ODAD2: variants seen among roughly 807,000 people sequenced by gnomAD.
ODAD2 encodes outer dynein arm-docking complex subunit 2.
Under a neutral mutation model 106.8 loss-of-function variants are expected in ODAD2, and 89 were observed. The observed-to-expected ratio is 0.83, with a 90% CI of 0.70 to 0.99. ODAD2 has a LOEUF of 0.99. ODAD2 is among the 50% of genes least tolerant of loss of function. The pLI is 0.00. For synonymous variants in ODAD2, 404 were observed against 436.2 expected (o/e 0.93, Z 0.92); for missense variants, 1,168 against 1,238.5 (o/e 0.94, Z 0.85).
intron 17 of ODAD2, among the ~76,000 whole-genome samples, chr10:27,891,139 G>C (rs1273324391): frequency 1.3e-5 from 2 of 152,034 alleles, no homozygotes; most frequent in African/African-American, 4.8e-5. Flanking sequence ...TTAAACAGAG[G>C]GTGATGTCAA....
At chr10:27,868,524 C>T (rs570937784) in intron 17 of ODAD2, among the ~76,000 whole-genome samples, 3 of 152,278 alleles carry the variant, frequency 2.0e-5, no homozygotes, top group Admixed American at 1.3e-4. Context: ...AGATCATGTT[C>T]TTTGCAGGGA....
intron 6 of ODAD2, chr10:27,981,849 ACT>A: frequency 4.3e-6 from 1 of 233,086 alleles, no homozygotes; most frequent in Non-Finnish European, 8.2e-6. Context: ...CATGTAAGGC[ACT>A]CTGCTGTTCA....
chr10:27,982,736 G>A (rs1292365005), intron 6 of ODAD2, among the ~76,000 whole-genome samples: 4 of 152,180 alleles, frequency 2.6e-5, no homozygotes, highest in Non-Finnish European at 4.4e-5. Context: ...CCTCCTTGTA[G>A]AATTTTGTTT....
chr10:27,974,406 A>G (rs939604935), intron 7 of ODAD2, among the ~76,000 whole-genome samples: 1 of 152,148 alleles, frequency 6.6e-6, no homozygotes, highest in Non-Finnish European at 1.5e-5. Flanking sequence ...ATTTTTGTAT[A>G]TGGTATAAGA....
At chr10:27,918,413 A>G (rs562626986) in intron 16 of ODAD2, among the ~76,000 whole-genome samples, 2 of 151,622 alleles carry the variant, frequency 1.3e-5, no homozygotes, top group African/African-American at 4.8e-5. Flanking sequence ...ACAAAAGAAA[A>G]ATCACCTTAT....
At chr10:27,856,957 A>G (rs1423996830) in intron 19 of ODAD2, among the ~76,000 whole-genome samples, 1 of 152,174 alleles carries the variant, frequency 6.6e-6, no homozygotes, top group African/African-American at 2.4e-5. Context: ...ACAAGACCGA[A>G]ACTCCGTCCC....
chr10:27,896,126 T>C lies in ODAD2; in HGVS notation c.2610+11537A>G, dbSNP rs776382210. Among the ~76,000 whole-genome samples, 5 of 152,328 alleles carry C rather than the reference T, an allele frequency of 3.3e-5. No homozygotes were observed. In the South Asian group the frequency reaches 8.3e-4, roughly 25 times the overall value. On this transcript the variant is annotated intron_variant, in intron 17 of 19. Transcript: ENST00000305242. ...GTGTATCTTCTTCATCTCTTTTGAA[T>C]TGACATCTAAAAATGTTCATCATGA...
intron 19 of ODAD2, among the ~76,000 whole-genome samples, chr10:27,844,769 T>C (rs1440144016): frequency 1.3e-5 from 2 of 152,236 alleles, no homozygotes; most frequent in African/African-American, 4.8e-5. Context: ...CATTATTATC[T>C]AGCTCTTTTA....
chr10:27,980,508 A>G (rs1395560029), intron 7 of ODAD2, among the ~76,000 whole-genome samples: 5 of 152,148 alleles, frequency 3.3e-5, no homozygotes, highest in Non-Finnish European at 7.4e-5. Flanking sequence ...AATATAAGCT[A>G]AGGACTCAAG....
chr10:27,870,842 T>C (rs2133429310), intron 17 of ODAD2, among the ~76,000 whole-genome samples: 1 of 152,338 alleles, frequency 6.6e-6, no homozygotes, highest in Middle Eastern at 3.4e-3. Flanking sequence ...TATAGCAACA[T>C]GATTCATAAT....
At chr10:27,878,730 T>A (rs1841513214) in intron 17 of ODAD2, among the ~76,000 whole-genome samples, 1 of 152,174 alleles carries the variant, frequency 6.6e-6, no homozygotes, top group South Asian at 2.1e-4. Context: ...AAAGTATACT[T>A]AATGAATTAA....
rs1018053584 is a variant in ODAD2, at chr10:27,866,984, T to A, written c.2611-4362A>T. Reference sequence around the variant, plus strand: ...ATGACAAAATCACAGAACTTCTTTTTTTTTTCTCAAGAAAACCGGGAGGAA... The same window carrying A: ...ATGACAAAATCACAGAACTTCTTTTATTTTTCTCAAGAAAACCGGGAGGAA... On this transcript the variant is annotated intron_variant, in intron 17 of 19. Transcript: ENST00000305242. 4.6e-5 allele frequency among the ~76,000 whole-genome samples: 7 copies of A among 152,274 alleles called. No individual in the cohort carries two copies. The East Asian group carries it at 1.4e-3, about 29-fold the overall frequency.
At chr10:27,853,856 G>A (rs1368883470) in intron 19 of ODAD2, among the ~76,000 whole-genome samples, 1 of 152,092 alleles carries the variant, frequency 6.6e-6, no homozygotes, top group African/African-American at 2.4e-5. Context: ...ATATTTCTCA[G>A]ATATGCAACC....
rs1390546034 is a variant in ODAD2 at position 27,847,340 on chromosome 10, A to G, written c.3021+13285T>C. On this transcript the variant is annotated intron_variant, in intron 19 of 19. Coordinates refer to ENST00000305242, the MANE Select transcript of ODAD2 (RefSeq NM_018076.5). Reference sequence around the variant, plus strand: ...ACAAAAACCACATGATTATCTCAATAGATGCAGAAAAGGCCTTTGACAAAA... The same window carrying G: ...ACAAAAACCACATGATTATCTCAATGGATGCAGAAAAGGCCTTTGACAAAA... 4.5e-3 allele frequency among the ~76,000 whole-genome samples: 680 copies of G among 150,760 alleles called. 9 individuals carry two copies. Among genetic ancestry groups the G allele is most frequent in the African/African-American group, 0.015 (618 of 40,108 alleles).
intron 19 of ODAD2, 65 bp downstream of exon 19, chr10:27,860,560 C>G: frequency 6.8e-7 from 1 of 1,471,760 alleles, no homozygotes; most frequent in Non-Finnish European, 9.4e-7. Context: ...CTTAGTGATG[C>G]CTAAGTTTCT....
intron 17 of ODAD2, among the ~76,000 whole-genome samples, chr10:27,885,656 AAT>A (rs1378969077): frequency 4.7e-5 from 1 of 21,292 alleles, no homozygotes; most frequent in Non-Finnish European, 1.1e-4. Context: ...TATTATATAT[AAT>A]ATATTATATA....
intron 17 of ODAD2, 110 bp downstream of exon 17, chr10:27,907,553 C>T: frequency 1.5e-6 from 1 of 653,342 alleles, no homozygotes; most frequent in South Asian, 2.4e-5. Flanking sequence ...CCCTCTCCCA[C>T]CAGATAAATC....
At chr10:27,993,722 A>G (rs529248266) in intron 2 of ODAD2, among the ~76,000 whole-genome samples, 1 of 152,202 alleles carries the variant, frequency 6.6e-6, no homozygotes, top group Admixed American at 6.5e-5. Flanking sequence ...GAAGAATTAA[A>G]GAGCTTTTGA....
chr10:27,936,638 T>C, intron 15 of ODAD2, 88 bp downstream of exon 15: 2 of 1,388,610 alleles, frequency 1.4e-6, no homozygotes, highest in Non-Finnish European at 1.0e-6. Context: ...AACATTAGAA[T>C]TGACTCCTTA....
Sources: gnomAD v4.1 joint callset for allele counts (sites outside exome capture counted in the v4.1 genomes callset) on GRCh38, gnomAD v4.1.1 for gene constraint, MANE v1.5 for transcripts, NCBI Gene and HGNC (gene_info 2026-07-23, HGNC 2026-07-21) for gene names.